Variants in RAD51 observed in about 807,000 individuals in gnomAD.
RAD51 encodes RAD51 recombinase.
RAD51 carries 14 observed loss-of-function variants against 41.5 expected under a neutral mutation model. That is an observed-to-expected ratio of 0.34 (90% confidence interval 0.22 to 0.53). The LOEUF (loss-of-function observed/expected upper bound fraction) is 0.53, where lower values mean the gene tolerates loss of function less well. Ranked by LOEUF, RAD51 falls within the 20% of genes least tolerant of loss-of-function variation. The pLI, the probability that RAD51 is intolerant of heterozygous loss-of-function variation, is 0.95. For missense variants in RAD51, 234 were observed against 422.0 expected, an observed-to-expected ratio of 0.55 and a Z score of 3.90; for synonymous variants, 136 against 148.6, an observed-to-expected ratio of 0.92 and a Z score of 0.62.
chr15:40,714,468 A>C (rs1182331176), intron 5 of RAD51, among the ~76,000 whole-genome samples: 1 of 152,188 alleles, frequency 6.6e-6, no homozygotes, highest in Admixed American at 6.5e-5. Context: ...TGACACTCCA[A>C]AGTTGTACAA....
At chr15:40,723,740 GT>G (rs1358583034) in intron 6 of RAD51, among the ~76,000 whole-genome samples, 1 of 152,132 alleles carries the variant, frequency 6.6e-6, no homozygotes, top group Non-Finnish European at 1.5e-5. Flanking sequence ...TGTGTTCATG[GT>G]TATACAACTC....
Position 40,724,670 on chromosome 15 carries a change from A to ATTTGTT in RAD51, c.531-4038_531-4037insGTTTTT, listed in dbSNP as rs757564729. On this transcript the variant is annotated intron_variant, in intron 6 of 9. Coordinates refer to ENST00000267868, the MANE Select transcript of RAD51 (RefSeq NM_002875.5). ...ACCACCAAGCCCAGCTAATTTTTTT[A>ATTTGTT]TTTCTTTTTTTTTTTTTTTTTTTTT... Among the ~76,000 whole-genome samples the ATTTGTT allele has an allele frequency of 8.6e-4, 62 of 72,048 alleles. 5 individuals are homozygous for ATTTGTT. The highest frequency in any genetic ancestry group is 1.1e-3 in the Admixed American group (7 of 6,170). 47.3% of individuals were successfully genotyped at this position (72,048 alleles called of 152,430 possible).
At chr15:40,706,124 C>T in intron 3 of RAD51, 53 bp from the exon 4 acceptor site, 1 of 1,365,168 alleles carries the variant, frequency 7.3e-7, no homozygotes. Flanking sequence ...CCATCAAGAT[C>T]ACTGTGGTAA....
intron 5 of RAD51, among the ~76,000 whole-genome samples, chr15:40,715,775 C>G (rs1432668677): frequency 6.6e-6 from 1 of 152,176 alleles, no homozygotes; most frequent in Non-Finnish European, 1.5e-5. Flanking sequence ...GAAGTCTATT[C>G]AATTGGAAAA....
intron 7 of RAD51, among the ~76,000 whole-genome samples, chr15:40,729,189 G>A (rs1001547204): frequency 1.3e-5 from 2 of 151,782 alleles, no homozygotes; most frequent in Admixed American, 6.6e-5. Flanking sequence ...TGGCTAACAC[G>A]GTGAATCCGT....
Position 40,709,014 on chromosome 15 carries a change from C to T in RAD51, c.344-11C>T, listed in dbSNP as rs773222134. Reference sequence around the variant, plus strand: ...TATTATGCTAAGAGTTATTTCTTATCGCTTTTTTAGGTGGAATTGAGACTG... The same window carrying T: ...TATTATGCTAAGAGTTATTTCTTATTGCTTTTTTAGGTGGAATTGAGACTG... On this transcript the variant is annotated splice_polypyrimidine_tract_variant and intron_variant, in intron 4 of 9. Coordinates refer to ENST00000267868, the MANE Select transcript of RAD51 (RefSeq NM_002875.5). 11 of 1,605,414 alleles carry T rather than the reference C, an allele frequency of 6.9e-6. No homozygotes were observed. Among genetic ancestry groups the T allele is most frequent in the South Asian group, 4.4e-5 (4 of 90,898 alleles).
intron 4 of RAD51, among the ~76,000 whole-genome samples, chr15:40,706,791 G>T (rs1895371494): frequency 6.6e-6 from 1 of 152,176 alleles, no homozygotes; most frequent in Non-Finnish European, 1.5e-5. Flanking sequence ...AAACTTATCT[G>T]CAAATTAAAT....
At position 40,731,267 on chromosome 15, in the gene RAD51, C is replaced by T. The variant is rs938620366; in HGVS notation, c.*89C>T. 30 of 1,556,178 alleles carry T rather than the reference C, an allele frequency of 1.9e-5. No homozygotes were observed. Among genetic ancestry groups the T allele is most frequent in the Admixed American group, 1.4e-4 (8 of 58,934 alleles). On this transcript the variant is annotated 3_prime_UTR_variant, in exon 10 of 10. Transcript: ENST00000267868. Reference sequence around the variant, plus strand: ...CCTGGGGTTCTCTACAGGCCTCTTCCTGTTGTGACTGCCAGGATAAAGCTT... The same window carrying T: ...CCTGGGGTTCTCTACAGGCCTCTTCTTGTTGTGACTGCCAGGATAAAGCTT...
At chr15:40,707,129 T>C (rs1895395948) in intron 4 of RAD51, among the ~76,000 whole-genome samples, 1 of 149,080 alleles carries the variant, frequency 6.7e-6, no homozygotes, top group South Asian at 2.1e-4. Context: ...GCTAGGACTA[T>C]GATCATTTAC....
chr15:40,722,125 A>C (rs1032282392), intron 6 of RAD51, among the ~76,000 whole-genome samples: 2 of 152,202 alleles, frequency 1.3e-5, no homozygotes, highest in African/African-American at 2.4e-5. Context: ...AAGGACAAAA[A>C]CTGAGGCCAG....
chr15:40,695,735 T>A (rs1285202042), intron 1 of RAD51: 1 of 152,202 alleles, frequency 6.6e-6, no homozygotes, highest in Non-Finnish European at 1.5e-5. Flanking sequence ...AGCCAGGGCT[T>A]CCGGATTCCT....
intron 1 of RAD51, among the ~76,000 whole-genome samples, chr15:40,696,550 T>C (rs538566331): frequency 7.9e-4 from 121 of 152,292 alleles, no homozygotes; most frequent in Non-Finnish European, 1.5e-3. Flanking sequence ...ACCTGGGCGA[T>C]AGAGCAAGAC....
Position 40,709,031 on chromosome 15 carries a change from T to C in RAD51, c.350T>C (p.Ile117Thr). 6.2e-7 allele frequency: 1 copy of C among 1,613,312 alleles called. No homozygotes were observed. Among genetic ancestry groups the C allele is most frequent in the Non-Finnish European group, 8.5e-7 (1 of 1,179,246 alleles). Residue 117 changes from isoleucine (I) to threonine (T), a missense_variant, in exon 5 of 10, where the codon ATT (isoleucine) becomes ACT (threonine). Coordinates refer to ENST00000267868, the MANE Select transcript of RAD51 (RefSeq NM_002875.5). Reference protein sequence around the residue: ...KELDKLLQGGIETGSITEMFG... With the variant: ...KELDKLLQGGTETGSITEMFG... ...TTTCTTATCGCTTTTTTAGGTGGAATTGAGACTGGATCTATCACAGAAATG... is the reference window on the plus strand; with the variant it reads ...TTTCTTATCGCTTTTTTAGGTGGAACTGAGACTGGATCTATCACAGAAATG...
intron 3 of RAD51, among the ~76,000 whole-genome samples, chr15:40,702,238 A>G (rs1895050527): frequency 6.6e-6 from 1 of 152,180 alleles, no homozygotes; most frequent in African/African-American, 2.4e-5. Flanking sequence ...AAAGATTGTC[A>G]TATTGACTAA....
intron 3 of RAD51, among the ~76,000 whole-genome samples, chr15:40,704,518 C>T (rs143173088): frequency 0.011 from 1,614 of 151,784 alleles, 27 homozygotes; most frequent in African/African-American, 0.037. Flanking sequence ...CACGCCACCA[C>T]GCCCAGCTAT....
At chr15:40,726,998 A>G (rs1198395147) in intron 6 of RAD51, among the ~76,000 whole-genome samples, 5 of 151,926 alleles carry the variant, frequency 3.3e-5, no homozygotes, top group Admixed American at 3.3e-4. Context: ...GAGCCTAAGC[A>G]CAGAGGTTCC....
intron 6 of RAD51, among the ~76,000 whole-genome samples, chr15:40,725,675 G>A (rs1381014771): frequency 6.6e-6 from 1 of 152,036 alleles, no homozygotes; most frequent in African/African-American, 2.4e-5. Flanking sequence ...TCAGATACTC[G>A]GGCTAGCAAC....
chr15:40,694,921 C>G (rs564064145), upstream of RAD51: 2 of 152,412 alleles, frequency 1.3e-5, no homozygotes, highest in African/African-American at 4.8e-5. Context: ...AACTCCTAGG[C>G]TCAGACGATA....
Position 40,713,607 on chromosome 15 carries a change from ATTT to A in RAD51, c.435+4506_435+4508del, listed in dbSNP as rs761493133. Among the ~76,000 whole-genome samples, 8 of 127,520 alleles carry A rather than the reference ATTT, an allele frequency of 6.3e-5. No homozygotes were observed. The South Asian group carries it at 1.0e-3, about 16-fold the overall frequency. 83.7% of individuals were successfully genotyped at this position (127,520 alleles called of 152,430 possible). ...TTTCTTTGCAGACCAAAATGTTACA[ATTT>A]TTTTTTTTTTTTTTGAGGCGGAGTC... On this transcript the variant is annotated intron_variant, in intron 5 of 9. Coordinates refer to ENST00000267868, the MANE Select transcript of RAD51 (RefSeq NM_002875.5).
Sources: allele counts gnomAD v4.1 joint callset (sites outside exome capture counted in the v4.1 genomes callset), GRCh38; gene constraint gnomAD v4.1.1; transcripts MANE v1.5; gene names NCBI Gene and HGNC (gene_info 2026-07-23, HGNC 2026-07-21).